The following COL5A2 variants were observed in gnomAD, a reference collection of about 807,000 sequenced individuals.
COL5A2 encodes collagen type V alpha 2 chain.
In COL5A2, 23 loss-of-function variants were observed where a neutral mutation model predicts 208.2. That is an observed-to-expected ratio of 0.11 (90% CI 0.08 to 0.16). The LOEUF (loss-of-function observed/expected upper bound fraction) is 0.16, where lower values mean the gene tolerates loss of function less well. Ranked by LOEUF, COL5A2 falls within the 10% of genes least tolerant of loss-of-function variation. COL5A2 has a pLI of 1.00. For synonymous variants in COL5A2, 625 were observed against 628.5 expected (o/e 0.99, Z 0.08); for missense variants, 1,590 against 1,956.4 (o/e 0.81, Z 3.53).
Position 189,050,606 on chromosome 2 carries a change from C to T in COL5A2, c.3002G>A (p.Arg1001His), listed in dbSNP as rs1216356488. The change falls in exon 43 of 54, where the codon CGT becomes CAT. Residue 1001 changes from arginine (R) to histidine (H), a missense_variant. Arg to His is a conservative substitution (Grantham distance 29). Transcript: ENST00000374866. ...TAGGCCGGGCATGCCTCTCTCTCCACGTTGCCCAGGCATGCCAACAATTCC... is the reference window on the plus strand; with the variant it reads ...TAGGCCGGGCATGCCTCTCTCTCCATGTTGCCCAGGCATGCCAACAATTCC... The part of the protein sequence containing the change: ...QRGIVGMPGQ[R>H]GERGMPGLPG... The T allele has an allele frequency of 3.9e-6, 6 of 1,552,110 alleles. No individual in the cohort carries two copies. Among genetic ancestry groups the T allele is most frequent in the South Asian group, 1.2e-5 (1 of 84,092 alleles).
chr2:189,132,654 C>G (rs766021537), intron 1 of COL5A2, among the ~76,000 whole-genome samples: 1 of 152,140 alleles, frequency 6.6e-6, no homozygotes, highest in Non-Finnish European at 1.5e-5. Flanking sequence ...GGTTCAGTAG[C>G]TTACGCCTGT....
chr2:189,186,319 G>T lies in COL5A2; in HGVS notation c.-42+38829C>A, dbSNP rs976905512. Reference sequence around the variant, plus strand: ...GCCAACAAACCATAATTTTTGAACAGAAAAAGACTGCATATTGTGAATATA... The same window carrying T: ...GCCAACAAACCATAATTTTTGAACATAAAAAGACTGCATATTGTGAATATA... On this transcript the variant is annotated intron_variant, in intron 1 of 10. Transcript: ENST00000649966. 4.6e-5 allele frequency among the ~76,000 whole-genome samples: 7 copies of T among 152,078 alleles called. 2 individuals carry two copies. In the South Asian group the frequency reaches 1.5e-3, roughly 32 times the overall value.
At chr2:189,242,697 A>G in the COL5A2 span, among the ~76,000 whole-genome samples, 1 of 152,256 alleles carries the variant, frequency 6.6e-6, no homozygotes, top group Admixed American at 6.5e-5. Flanking sequence ...GATATTAAGT[A>G]TAAACTATAT....
chr2:189,075,356 T>A, intron 17 of COL5A2, 37 bp downstream of exon 17: 1 of 1,436,534 alleles, frequency 7.0e-7, no homozygotes, highest in Non-Finnish European at 9.8e-7. Flanking sequence ...AATGCATGAA[T>A]AAATTAATGA....
the COL5A2 span, among the ~76,000 whole-genome samples, chr2:189,399,400 G>A: frequency 1.3e-5 from 2 of 151,750 alleles, no homozygotes; most frequent in African/African-American, 4.8e-5. Context: ...ACAGGTGCCT[G>A]CCACCACACC....
the COL5A2 span, among the ~76,000 whole-genome samples, chr2:189,289,319 C>A: frequency 6.6e-6 from 1 of 151,496 alleles, no homozygotes; most frequent in Non-Finnish European, 1.5e-5. Context: ...CCAGCCTGGG[C>A]ACCCGATCAA....
intron 5 of COL5A2, chr2:189,097,567 C>T: frequency 1.5e-6 from 1 of 668,642 alleles, no homozygotes; most frequent in Middle Eastern, 2.5e-4. Flanking sequence ...ATTATGGCAT[C>T]ATGGAGCATA....
chr2:189,386,201 A>G, the COL5A2 span, among the ~76,000 whole-genome samples: 3 of 152,146 alleles, frequency 2.0e-5, no homozygotes, highest in African/African-American at 4.8e-5. Flanking sequence ...AGCCAAACTT[A>G]TATCAATAAG....
chr2:189,051,817 T>C (rs1248005927), intron 41 of COL5A2, among the ~76,000 whole-genome samples: 1 of 152,236 alleles, frequency 6.6e-6, no homozygotes, highest in Non-Finnish European at 1.5e-5. Context: ...TAATTATTTA[T>C]TCTTATGATT....
At chr2:189,342,640 A>AACACACACACAC in the COL5A2 span, among the ~76,000 whole-genome samples, 7 of 143,598 alleles carry the variant, frequency 4.9e-5, no homozygotes, top group African/African-American at 1.5e-4. Context: ...AGAGAGCTAA[A>AACACACACACAC]ACACACACAC....
At chr2:189,166,522 C>T (rs1213490626) in intron 1 of COL5A2, among the ~76,000 whole-genome samples, 1 of 152,142 alleles carries the variant, frequency 6.6e-6, no homozygotes, top group Non-Finnish European at 1.5e-5. Flanking sequence ...CTCAAAATCC[C>T]TCTTCAGAAA....
In COL5A2 at chr2:189,112,694, CAG is replaced by C. The variant is rs960180538; in HGVS notation, c.98-2247_98-2246del. Among the ~76,000 whole-genome samples, 17 of 152,134 alleles carry C rather than the reference CAG, an allele frequency of 1.1e-4. 1 individual carries two copies. The highest frequency in any genetic ancestry group is 2.0e-4 in the Admixed American group (3 of 15,270). ...CATAATACATATCTAATCAACAAAA[CAG>C]TATTAGCTCTATGTCCATAGTGCTA... is the stretch of plus-strand genomic sequence containing the variant. On this transcript the variant is annotated intron_variant, in intron 1 of 53. Transcript: ENST00000374866.
chr2:189,122,944 A>G (rs1687535943), intron 1 of COL5A2, among the ~76,000 whole-genome samples: 1 of 147,410 alleles, frequency 6.8e-6, no homozygotes. Flanking sequence ...GGGTTTGATG[A>G]AGTTTGGGTG....
At chr2:189,341,316 C>A in the COL5A2 span, among the ~76,000 whole-genome samples, 1 of 152,228 alleles carries the variant, frequency 6.6e-6, no homozygotes, top group East Asian at 1.9e-4. Context: ...ACCTGCTGCA[C>A]TTCAAACCAC....
At chr2:189,331,455 G>C in the COL5A2 span, among the ~76,000 whole-genome samples, 2 of 152,180 alleles carry the variant, frequency 1.3e-5, no homozygotes, top group Non-Finnish European at 2.9e-5. Flanking sequence ...GAGGGACCTG[G>C]AGGGAGATAA....
the COL5A2 span, among the ~76,000 whole-genome samples, chr2:189,392,279 T>G: frequency 2.1e-3 from 316 of 152,214 alleles, 2 homozygotes; most frequent in African/African-American, 6.5e-3. Flanking sequence ...TTAATAGATT[T>G]TGGACTCAAC....
intron 1 of COL5A2, among the ~76,000 whole-genome samples, chr2:189,115,278 A>G (rs978588787): frequency 3.3e-5 from 5 of 152,144 alleles, no homozygotes; most frequent in Admixed American, 2.6e-4. Flanking sequence ...TCAGTTCTTA[A>G]TCACTAGATG....
In COL5A2 at chr2:189,186,134, T is replaced by C. The variant is rs1322007678; in HGVS notation, c.-42+39014A>G. Reference sequence around the variant, plus strand: ...CAAGGGATCCTCTCACCTCAGGCTCTTGGGCACGCACCATCACAATCAGCT... The same window carrying C: ...CAAGGGATCCTCTCACCTCAGGCTCCTGGGCACGCACCATCACAATCAGCT... On this transcript the variant is annotated intron_variant, in intron 1 of 10. Transcript: ENST00000649966. Among the ~76,000 whole-genome samples, 5 of 152,052 alleles carry C rather than the reference T, an allele frequency of 3.3e-5. No individual in the cohort carries two copies. The East Asian group carries it at 9.7e-4, about 29-fold the overall frequency.
chr2:189,054,867 T>C (rs576003802), intron 35 of COL5A2, among the ~76,000 whole-genome samples: 3 of 151,278 alleles, frequency 2.0e-5, no homozygotes, highest in African/African-American at 2.4e-5. Flanking sequence ...CAAGCCACTA[T>C]GCCTGACTTA....
Sources: gnomAD v4.1 joint callset for allele counts (sites outside exome capture counted in the v4.1 genomes callset) on GRCh38, gnomAD v4.1.1 for gene constraint, MANE v1.5 for transcripts, NCBI Gene and HGNC (gene_info 2026-07-23, HGNC 2026-07-21) for gene names.